LNPEP: variants seen among roughly 807,000 people sequenced by gnomAD.
LNPEP encodes the protein leucyl-cystinyl aminopeptidase.
LNPEP carries 64 observed loss-of-function variants against 120.6 expected under a neutral mutation model. That is an observed-to-expected ratio of 0.53 (90% CI 0.43 to 0.65). The LOEUF (loss-of-function observed/expected upper bound fraction) is 0.65, where lower values mean the gene tolerates loss of function less well. Ranked by LOEUF, LNPEP falls within the 30% of genes least tolerant of loss-of-function variation. LNPEP has a pLI of 0.00. For missense variants in LNPEP, 1,057 were observed against 1,200.0 expected (o/e 0.88, Z 1.76); for synonymous variants, 435 against 425.4 (o/e 1.02, Z -0.28).
chr5:97,022,881 T>C (rs940737282), intron 14 of LNPEP, among the ~76,000 whole-genome samples: 1 of 146,464 alleles, frequency 6.8e-6, no homozygotes, highest in Non-Finnish European at 1.5e-5. Flanking sequence ...AGTGAGAACA[T>C]GCGGTGTCAA....
In LNPEP at chr5:96,954,747, C is replaced by CATATATATAT. The variant is rs1789411124; in HGVS notation, c.19+18574_19+18575insTATATATATA. On this transcript the variant is annotated intron_variant, in intron 1 of 17. Coordinates refer to ENST00000231368, the MANE Select transcript of LNPEP (RefSeq NM_005575.3). ...ACATATATATATACATATATATATA[C>CATATATATAT]ACATATATATATATATATATATATA... Among the ~76,000 whole-genome samples the CATATATATAT allele has an allele frequency of 7.0e-5, 3 of 43,070 alleles. 1 individual carries two copies. The South Asian group carries it at 2.0e-3, about 29-fold the overall frequency. 28.3% of individuals were successfully genotyped at this position (43,070 alleles called of 152,430 possible).
chr5:97,006,619 T>C (rs1165391900), intron 11 of LNPEP, 104 bp downstream of exon 11: 3 of 684,174 alleles, frequency 4.4e-6, no homozygotes, highest in Non-Finnish European at 7.8e-6. Context: ...CTCTCTGAAC[T>C]GGTTTTATGA....
chr5:97,010,612 A>G, intron 11 of LNPEP: 1 of 985,244 alleles, frequency 1.0e-6, no homozygotes, highest in South Asian at 4.7e-5. Context: ...TTTGTAAAAC[A>G]GTAGTTGATT....
Position 97,026,754 on chromosome 5 carries a change from A to G in LNPEP, c.2861A>G (p.Gln954Arg), listed in dbSNP as rs1484644443. The G allele has an allele frequency of 6.2e-7, 1 of 1,609,236 alleles. No homozygotes were observed. The highest frequency in any genetic ancestry group is 8.5e-7 in the Non-Finnish European group (1 of 1,177,602). ...AAAGAGAACTGGAATAAGCTTGTAC[A>G]GAAGTAAGTTTCTCAGAGAATTATT... is the stretch of plus-strand genomic sequence containing the variant. ...FVKENWNKLV[Q>R]KFPLGSYTIQ... Residue 954 changes from glutamine (Q) to arginine (R), a missense_variant, in exon 16 of 18, where the codon CAG becomes CGG. By Grantham distance (43) the Gln-to-Arg change is conservative. Coordinates refer to ENST00000231368, the MANE Select transcript of LNPEP (RefSeq NM_005575.3).
At position 96,979,596 on chromosome 5, in the gene LNPEP, T is replaced by C. The variant is rs1790077303; in HGVS notation, c.478T>C (p.Leu160=). ...LIQPFATNGK[L]FPWAQIRLPT... The stretch of plus-strand genomic sequence containing the variant: ...TCAGCCATTTGCAACAAATGGGAAA[T>C]TGTTTCCATGGGCACAGATCAGGCT... The change falls in exon 2 of 18, where the codon TTG becomes CTG. Residue 160 remains leucine, a synonymous_variant. Coordinates refer to ENST00000231368, the MANE Select transcript of LNPEP (RefSeq NM_005575.3). 1.9e-6 allele frequency: 3 copies of C among 1,614,074 alleles called. No individual in the cohort carries two copies. The highest frequency in any genetic ancestry group is 2.5e-6 in the Non-Finnish European group (3 of 1,179,976).
chr5:96,973,978 T>G (rs1789933924), intron 1 of LNPEP, among the ~76,000 whole-genome samples: 1 of 152,168 alleles, frequency 6.6e-6, no homozygotes, highest in East Asian at 1.9e-4. Context: ...TCCCTATATG[T>G]TTAACCCTGT....
At chr5:97,009,770 A>G (rs902090393) in intron 11 of LNPEP, among the ~76,000 whole-genome samples, 1 of 152,192 alleles carries the variant, frequency 6.6e-6, no homozygotes, top group African/African-American at 2.4e-5. Context: ...GACCCTGAGG[A>G]CAGCTGAGCC....
chr5:96,995,447 C>G (rs981375135), intron 6 of LNPEP, among the ~76,000 whole-genome samples: 3 of 151,564 alleles, frequency 2.0e-5, no homozygotes, highest in Non-Finnish European at 4.4e-5. Context: ...TTATTTTTTT[C>G]CTTTTTCTTT....
chr5:96,973,984 C>G (rs532053523), intron 1 of LNPEP, among the ~76,000 whole-genome samples: 1 of 152,248 alleles, frequency 6.6e-6, no homozygotes, highest in South Asian at 2.1e-4. Context: ...TATGTTTAAC[C>G]CTGTCTCTGT....
chr5:96,978,377 GC>G (rs1420092282), intron 1 of LNPEP, among the ~76,000 whole-genome samples: 3 of 152,016 alleles, frequency 2.0e-5, no homozygotes, highest in East Asian at 3.9e-4. Context: ...ACTTCTGAAA[GC>G]CATGGAAGCA....
chr5:96,964,897 G>A (rs1233602549), intron 1 of LNPEP, among the ~76,000 whole-genome samples: 2 of 152,106 alleles, frequency 1.3e-5, no homozygotes, highest in African/African-American at 2.4e-5. Flanking sequence ...AAATCAAAAT[G>A]TATAAACTTA....
chr5:96,963,581 T>C (rs1173044341), intron 1 of LNPEP, among the ~76,000 whole-genome samples: 2 of 152,156 alleles, frequency 1.3e-5, no homozygotes, highest in Non-Finnish European at 2.9e-5. Context: ...AAAAGATAAA[T>C]GTTGAAAGCT....
At position 97,026,641 on chromosome 5, in the gene LNPEP, A is replaced by T; in HGVS notation, c.2748A>T (p.Gly916=). Residue 916 remains glycine, a synonymous_variant, in exon 16 of 18, where the codon GGA becomes GGT. Coordinates refer to ENST00000231368, the MANE Select transcript of LNPEP (RefSeq NM_005575.3). ...LYWLMKSSLN[G]DNFRTQKLSF... ...GGTTAATGAAAAGTAGCCTGAATGG[A>T]GATAACTTCCGAACACAGAAGCTGT... The T allele has an allele frequency of 6.2e-7, 1 of 1,613,378 alleles. No individual in the cohort carries two copies. The highest frequency in any genetic ancestry group is 8.5e-7 in the Non-Finnish European group (1 of 1,179,416).
rs1031242635 is a variant in LNPEP at position 96,959,327 on chromosome 5, A to G, written c.20-19811A>G. 2.0e-4 allele frequency among the ~76,000 whole-genome samples: 31 copies of G among 152,322 alleles called. 1 individual carries two copies. Among genetic ancestry groups the G allele is most frequent in the Admixed American group, 1.8e-3 (28 of 15,290 alleles). ...CTGTATGTAGAAGTAATGTTGGAAC[A>G]AATAATACGTCCCAGAATAGTTTCT... On this transcript the variant is annotated intron_variant, in intron 1 of 17. Coordinates refer to ENST00000231368, the MANE Select transcript of LNPEP (RefSeq NM_005575.3).
chr5:96,962,447 G>A (rs1054900085), intron 1 of LNPEP, among the ~76,000 whole-genome samples: 1 of 152,100 alleles, frequency 6.6e-6, no homozygotes, highest in East Asian at 1.9e-4. Flanking sequence ...CACACTGTGT[G>A]CTAGACTGTG....
In LNPEP at chr5:96,993,151, T is replaced by C. The variant is rs994453963; in HGVS notation, c.1252+16T>C. 5 of 1,534,610 alleles carry C rather than the reference T, an allele frequency of 3.3e-6. No homozygotes were observed. In the Admixed American group the frequency reaches 1.0e-4, roughly 32 times the overall value. ...AAGAAATTGGGTAAGAATCAAATAGTGTGTCTGATTTTTGTTATAATTAGA... is the reference window on the plus strand; with the variant it reads ...AAGAAATTGGGTAAGAATCAAATAGCGTGTCTGATTTTTGTTATAATTAGA... On this transcript the variant is annotated intron_variant, in intron 5 of 17. Transcript: ENST00000231368.
At chr5:96,989,282 A>G (rs71654353) in intron 4 of LNPEP, among the ~76,000 whole-genome samples, 3 of 134,462 alleles carry the variant, frequency 2.2e-5, no homozygotes, top group African/African-American at 8.3e-5. Context: ...TATATTATAT[A>G]ATATATAATT....
In LNPEP at chr5:97,031,977, C is replaced by T. The variant is rs1050986081; in HGVS notation, c.*3444C>T. 6.6e-6 allele frequency: 1 copy of T among 152,090 alleles called. No individual in the cohort carries two copies. 9.4% of individuals were successfully genotyped at this position (152,090 alleles called of 1,614,324 possible). A position where few individuals can be genotyped will look rare whatever the true frequency, so the allele number is the denominator to read the frequency against. On this transcript the variant is annotated 3_prime_UTR_variant, in exon 18 of 18. Coordinates refer to ENST00000231368, the MANE Select transcript of LNPEP (RefSeq NM_005575.3). ...GGATTTTAAAAAGAGTCTATTTAAA[C>T]CAAAGTACCTGGAACCATAATCTGC...
rs140382208 is a variant in LNPEP at position 96,994,102 on chromosome 5, T to C, written c.1407+131T>C. 3.5e-4 allele frequency: 254 copies of C among 720,892 alleles called. No homozygotes were observed. The African/African-American group carries it at 3.8e-3, about 11-fold the overall frequency. 44.7% of individuals were successfully genotyped at this position (720,892 alleles called of 1,614,324 possible). A position where few individuals can be genotyped will look rare whatever the true frequency, so the allele number is the denominator to read the frequency against. ...GCCTTCTTTTATAATAGAAAGATGCTTTTTAAACACAAACTTCATTTTCAA... is the reference window on the plus strand; with the variant it reads ...GCCTTCTTTTATAATAGAAAGATGCCTTTTAAACACAAACTTCATTTTCAA... On this transcript the variant is annotated intron_variant, in intron 6 of 17. Coordinates refer to ENST00000231368, the MANE Select transcript of LNPEP (RefSeq NM_005575.3).
Sources: gnomAD v4.1 joint callset for allele counts (sites outside exome capture counted in the v4.1 genomes callset) on GRCh38, gnomAD v4.1.1 for gene constraint, MANE v1.5 for transcripts, NCBI Gene and HGNC (gene_info 2026-07-23, HGNC 2026-07-21) for gene names.